Variants in DNAJC6 observed in about 807,000 individuals in gnomAD.
DNAJC6 encodes the protein auxilin.
A neutral mutation model predicts 110.0 loss-of-function variants in DNAJC6; 34 were observed. The ratio of observed to expected loss-of-function variants is 0.31; its 90% CI spans 0.24 to 0.41. The LOEUF is 0.41. DNAJC6 is among the 10% of genes least tolerant of loss of function. The pLI is 1.00. For missense variants in DNAJC6, 1,031 were observed against 1,207.8 expected, an observed-to-expected ratio of 0.85 and a Z score of 2.17; for synonymous variants, 406 against 437.2, an observed-to-expected ratio of 0.93 and a Z score of 0.89.
At chr1:65,350,936 C>CT (rs1464412494) in intron 1 of DNAJC6, among the ~76,000 whole-genome samples, 1 of 152,164 alleles carries the variant, frequency 6.6e-6, no homozygotes, top group African/African-American at 2.4e-5. Context: ...AAGTCTTACT[C>CT]TCTATATTTA....
intron 14 of DNAJC6, among the ~76,000 whole-genome samples, chr1:65,399,174 G>GT (rs1646007454): frequency 6.6e-6 from 1 of 152,208 alleles, no homozygotes; most frequent in African/African-American, 2.4e-5. Context: ...AAACTCTTGG[G>GT]TTTTTTTGGC....
chr1:65,367,692 G>A (rs1367567147), intron 4 of DNAJC6, among the ~76,000 whole-genome samples: 2 of 152,076 alleles, frequency 1.3e-5, no homozygotes, highest in Admixed American at 6.5e-5. Context: ...TACATATAAA[G>A]ATGTCTCTTT....
At chr1:65,392,954 A>G (rs936040252) in intron 12 of DNAJC6, 89 bp downstream of exon 12, 3 of 1,256,520 alleles carry the variant, frequency 2.4e-6, no homozygotes, top group Non-Finnish European at 3.1e-6. Flanking sequence ...CTAATAAGCT[A>G]GACTTTTCTG....
At chr1:65,371,585 C>T (rs1645706621) in intron 4 of DNAJC6, among the ~76,000 whole-genome samples, 1 of 152,192 alleles carries the variant, frequency 6.6e-6, no homozygotes, top group Non-Finnish European at 1.5e-5. Flanking sequence ...TTAAGTCATA[C>T]TCTCTGTAGA....
intron 14 of DNAJC6, among the ~76,000 whole-genome samples, chr1:65,401,029 T>C (rs780942789): frequency 2.0e-4 from 30 of 152,314 alleles, no homozygotes; most frequent in Admixed American, 4.6e-4. Context: ...TGAGGTGATA[T>C]GTCATTTTGG....
chr1:65,403,945 G>A (rs1646052652), intron 15 of DNAJC6, among the ~76,000 whole-genome samples: 1 of 152,140 alleles, frequency 6.6e-6, no homozygotes, highest in African/African-American at 2.4e-5. Flanking sequence ...CTGGCAGTGT[G>A]GTAGGCATAT....
intron 1 of DNAJC6, among the ~76,000 whole-genome samples, chr1:65,328,857 C>T (rs1645263574): frequency 6.6e-6 from 1 of 152,170 alleles, no homozygotes; most frequent in African/African-American, 2.4e-5. Context: ...CTTGAGCTGT[C>T]TTCCCAACCT....
At chr1:65,307,018 C>CTATATATATATATA (rs71056097), upstream of DNAJC6, among the ~76,000 whole-genome samples, 11 of 70,700 alleles carry the variant, frequency 1.6e-4, no homozygotes, top group African/African-American at 4.7e-4. Flanking sequence ...CTCTCTCTCT[C>CTATATATATATATA]TATATATATA....
rs573496872 is a variant in DNAJC6 at position 65,395,154 on chromosome 1, G to GT, written c.2038+127dup. 2.1e-4 allele frequency: 238 copies of GT among 1,109,116 alleles called. 1 individual carries two copies. The African/African-American group carries it at 3.6e-3, about 17-fold the overall frequency. The allele number at this position is 1,109,116 out of a possible 1,614,324, so 68.7% of individuals were successfully genotyped here. A position where few individuals can be genotyped will look rare whatever the true frequency, so the allele number is the denominator to read the frequency against. On this transcript the variant is annotated intron_variant, in intron 13 of 18. Transcript: ENST00000371069. ...GATAAAAGCTTCCTCACACATCTCT[G>GT]TTTTTGAAATTAACAACTCACCTTA...
chr1:65,395,176 C>T (rs948212096), intron 13 of DNAJC6, 144 bp downstream of exon 13: 2 of 906,622 alleles, frequency 2.2e-6, no homozygotes, highest in South Asian at 4.8e-5. Context: ...AACAACTCAC[C>T]TTAACATATC....
In DNAJC6 at chr1:65,311,405, A is replaced by G. The variant is rs537754684; in HGVS notation, c.193+1467A>G. Among the ~76,000 whole-genome samples, 24 of 151,884 alleles carry G rather than the reference A, an allele frequency of 1.6e-4. 2 individuals carry two copies. The South Asian group carries it at 5.0e-3, about 32-fold the overall frequency. On this transcript the variant is annotated intron_variant, in intron 1 of 18. Coordinates refer to ENST00000371069, the MANE Select transcript of DNAJC6 (RefSeq NM_001256864.2). ...ATGCCCGGCTAATTTTTGTACTTTT[A>G]GTAGAGACGGGGTTTTGCCATGTTG... is the stretch of plus-strand genomic sequence containing the variant.
chr1:65,368,299 G>A (rs984891477), intron 4 of DNAJC6, among the ~76,000 whole-genome samples: 5 of 152,052 alleles, frequency 3.3e-5, no homozygotes, highest in Non-Finnish European at 7.4e-5. Flanking sequence ...ATCTTGTGAG[G>A]CTCTTGATGA....
chr1:65,269,311 T>C (rs1557490591), intron 1 of DNAJC6, among the ~76,000 whole-genome samples: 3 of 150,498 alleles, frequency 2.0e-5, no homozygotes, highest in Admixed American at 6.7e-5. Context: ...GAGGTTTCAG[T>C]GAGCCGAGAT....
At chr1:65,394,341 C>G (rs1298431645) in intron 12 of DNAJC6, among the ~76,000 whole-genome samples, 7 of 152,104 alleles carry the variant, frequency 4.6e-5, no homozygotes, top group Admixed American at 2.6e-4. Context: ...TTCTATCCCC[C>G]CAAGAGGAAG....
intron 1 of DNAJC6, among the ~76,000 whole-genome samples, chr1:65,294,929 A>G (rs1570233454): frequency 2.0e-5 from 3 of 152,324 alleles, no homozygotes; most frequent in East Asian, 3.9e-4. Context: ...AAGGATTCTA[A>G]GTGGTAGCAT....
rs143660984 is a variant in DNAJC6 at position 65,289,715 on chromosome 1, A to G, written c.-131+24783A>G. On this transcript the variant is annotated intron_variant, in intron 1 of 19. Transcript: ENST00000263441. ...ATGTATTGTTTAAGCTATCTGGTCT[A>G]TGCTATTTTGTTACAGCAGCCTGAG... 3.3e-5 allele frequency among the ~76,000 whole-genome samples: 5 copies of G among 152,236 alleles called. No homozygotes were observed. The East Asian group carries it at 5.8e-4, about 18-fold the overall frequency.
intron 17 of DNAJC6, among the ~76,000 whole-genome samples, chr1:65,410,026 GA>G (rs1267279961): frequency 6.6e-6 from 1 of 152,174 alleles, no homozygotes; most frequent in Non-Finnish European, 1.5e-5. Context: ...TGGTTCTGTT[GA>G]TGAGTGGTAT....
At chr1:65,411,729 G>C (rs542035860) in intron 18 of DNAJC6, among the ~76,000 whole-genome samples, 132 of 152,144 alleles carry the variant, frequency 8.7e-4, no homozygotes, top group African/African-American at 1.9e-3. Context: ...AGCACTTTGG[G>C]GGGGGCAGGG....
chr1:65,295,448 G>A (rs1287460240), intron 1 of DNAJC6, among the ~76,000 whole-genome samples: 1 of 152,120 alleles, frequency 6.6e-6, no homozygotes, highest in Admixed American at 6.5e-5. Context: ...AAAAGCCATG[G>A]TTGACCTAGC....
Sources: gnomAD v4.1 joint callset for allele counts (sites outside exome capture counted in the v4.1 genomes callset) on GRCh38, gnomAD v4.1.1 for gene constraint, MANE v1.5 for transcripts, NCBI Gene and HGNC (gene_info 2026-07-23, HGNC 2026-07-21) for gene names.